Variants in ARHGAP24 observed in about 807,000 individuals in gnomAD.
The protein encoded by ARHGAP24 is Rho GTPase activating protein 24, also known as rho GTPase-activating protein 24.
ARHGAP24 carries 50 observed loss-of-function variants against 76.4 expected under a neutral mutation model. The observed-to-expected ratio is 0.65, with a 90% CI of 0.52 to 0.83. The LOEUF (loss-of-function observed/expected upper bound fraction) is 0.83. Ranked by LOEUF, ARHGAP24 falls within the 40% of genes least tolerant of loss-of-function variation. The pLI is 0.00. For missense variants in ARHGAP24, 930 were observed against 914.2 expected, an observed-to-expected ratio of 1.02 and a Z score of -0.22; for synonymous variants, 345 against 323.3, an observed-to-expected ratio of 1.07 and a Z score of -0.72.
At chr4:85,725,185 A>G (rs72656255) in intron 3 of ARHGAP24, among the ~76,000 whole-genome samples, 1 of 152,208 alleles carries the variant, frequency 6.6e-6, no homozygotes, top group African/African-American at 2.4e-5. Flanking sequence ...AAATAGGCAA[A>G]ACAAGACAAA....
At chr4:85,757,114 A>G (rs1478209803) in intron 3 of ARHGAP24, among the ~76,000 whole-genome samples, 2 of 151,946 alleles carry the variant, frequency 1.3e-5, no homozygotes, top group Non-Finnish European at 2.9e-5. Flanking sequence ...GGGCCAGGCC[A>G]TCTCCGTCTT....
At chr4:85,896,717 C>T (rs1734199654) in intron 3 of ARHGAP24, among the ~76,000 whole-genome samples, 1 of 152,142 alleles carries the variant, frequency 6.6e-6, no homozygotes, top group Admixed American at 6.6e-5. Context: ...TTCAATTGTC[C>T]TCTCAGCCCC....
At chr4:85,825,726 C>G (rs767723504) in intron 3 of ARHGAP24, among the ~76,000 whole-genome samples, 6 of 152,184 alleles carry the variant, frequency 3.9e-5, no homozygotes, top group Non-Finnish European at 7.4e-5. Context: ...AAAATCAAAA[C>G]TCATTTTTCT....
intron 2 of ARHGAP24, among the ~76,000 whole-genome samples, chr4:85,698,200 A>T (rs1200664328): frequency 6.6e-6 from 1 of 152,200 alleles, no homozygotes; most frequent in African/African-American, 2.4e-5. Context: ...CATTGTTATC[A>T]GTTTGGAGCT....
chr4:85,623,622 G>C (rs920187768), intron 2 of ARHGAP24, among the ~76,000 whole-genome samples: 3 of 151,758 alleles, frequency 2.0e-5, no homozygotes, highest in Non-Finnish European at 4.4e-5. Flanking sequence ...TTCCAATTCT[G>C]TGAAGAAAGT....
At chr4:85,719,428 A>G (rs867549101) in intron 2 of ARHGAP24, among the ~76,000 whole-genome samples, 9 of 152,154 alleles carry the variant, frequency 5.9e-5, no homozygotes, top group Non-Finnish European at 7.4e-5. Flanking sequence ...TTGGTTGGAG[A>G]GCGCTATGCT....
At chr4:85,487,713 TA>T (rs1481240604) in intron 1 of ARHGAP24, among the ~76,000 whole-genome samples, 1,957 of 104,838 alleles carry the variant, frequency 0.019, 47 homozygotes, top group African/African-American at 0.055. Context: ...TTATATTATA[TA>T]AATATATATT....
intron 1 of ARHGAP24, among the ~76,000 whole-genome samples, chr4:85,499,096 G>C (rs1244533917): frequency 6.6e-6 from 1 of 152,036 alleles, no homozygotes; most frequent in Admixed American, 6.5e-5. Context: ...TTACTAAGTG[G>C]TTATCACTTT....
intron 3 of ARHGAP24, among the ~76,000 whole-genome samples, chr4:85,802,387 T>A (rs1408929483): frequency 1.3e-5 from 2 of 152,258 alleles, no homozygotes; most frequent in African/African-American, 4.8e-5. Flanking sequence ...CATGTCTACC[T>A]AACTGTGCTG....
chr4:85,787,179 G>A (rs747570904), intron 3 of ARHGAP24, among the ~76,000 whole-genome samples: 8 of 152,114 alleles, frequency 5.3e-5, no homozygotes, highest in Non-Finnish European at 7.4e-5. Flanking sequence ...TTAAGTGACT[G>A]GAAAGTTAAA....
chr4:85,780,866 G>A (rs1727526504), intron 3 of ARHGAP24, among the ~76,000 whole-genome samples: 1 of 152,224 alleles, frequency 6.6e-6, no homozygotes, highest in Admixed American at 6.5e-5. Context: ...TAAGTAATGT[G>A]TTACTGCATC....
At chr4:85,852,693 C>T (rs28770594) in intron 3 of ARHGAP24, among the ~76,000 whole-genome samples, 72,410 of 152,058 alleles carry the variant, frequency 0.48, 18,747 homozygotes, top group East Asian at 0.86. Context: ...GTTAGTTTTC[C>T]TTCTAACAGT....
chr4:85,778,107 A>G (rs547952320), intron 3 of ARHGAP24, among the ~76,000 whole-genome samples: 56 of 152,286 alleles, frequency 3.7e-4, no homozygotes, highest in African/African-American at 1.3e-3. Context: ...CTGTCACAGC[A>G]CCATGCCTTA....
At chr4:85,819,060 A>C (rs865968162) in intron 3 of ARHGAP24, among the ~76,000 whole-genome samples, 4 of 152,336 alleles carry the variant, frequency 2.6e-5, no homozygotes, top group South Asian at 4.1e-4. Context: ...AGCCAGTTTG[A>C]AAAGTTGTAC....
intron 2 of ARHGAP24, among the ~76,000 whole-genome samples, chr4:85,625,501 C>T (rs1157535859): frequency 6.6e-6 from 1 of 151,998 alleles, no homozygotes; most frequent in Non-Finnish European, 1.5e-5. Flanking sequence ...ACTATGTGGT[C>T]AATTTTGGAG....
chr4:85,884,397 C>T (rs996534645), intron 3 of ARHGAP24, among the ~76,000 whole-genome samples: 9 of 152,130 alleles, frequency 5.9e-5, no homozygotes, highest in African/African-American at 9.7e-5. Context: ...TTCTCATTGT[C>T]GAGCCCTTTG....
intron 1 of ARHGAP24, among the ~76,000 whole-genome samples, chr4:85,557,554 G>A (rs1292825739): frequency 2.0e-5 from 3 of 152,106 alleles, no homozygotes; most frequent in Non-Finnish European, 2.9e-5. Context: ...CTCCAGGTGG[G>A]CAGTTTTCCT....
chr4:85,809,122 T>G (rs767188881), intron 3 of ARHGAP24, among the ~76,000 whole-genome samples: 1 of 152,206 alleles, frequency 6.6e-6, no homozygotes, highest in Non-Finnish European at 1.5e-5. Flanking sequence ...TGGTCTAGGA[T>G]AGAAGGGCTT....
chr4:85,652,126 T>A (rs1387130948), intron 2 of ARHGAP24, among the ~76,000 whole-genome samples: 1 of 152,192 alleles, frequency 6.6e-6, no homozygotes, highest in African/African-American at 2.4e-5. Flanking sequence ...AAAATATTGA[T>A]GCCAAATATT....
Sources: allele counts gnomAD v4.1 joint callset (sites outside exome capture counted in the v4.1 genomes callset), GRCh38; gene constraint gnomAD v4.1.1; transcripts MANE v1.5; gene names NCBI Gene and HGNC (gene_info 2026-07-23, HGNC 2026-07-21).